The following MTA3 variants were observed in gnomAD, a reference collection of about 807,000 sequenced individuals.
MTA3 encodes metastasis associated 1 family member 3, also known as metastasis-associated protein MTA3.
In MTA3, 34 loss-of-function variants were observed where a neutral mutation model predicts 83.5. The observed-to-expected ratio is 0.41, with a 90% CI of 0.31 to 0.54. The LOEUF (loss-of-function observed/expected upper bound fraction) is 0.54. MTA3 is among the 20% of genes least tolerant of loss of function. The pLI is 0.33. For missense variants in MTA3, 761 were observed against 726.4 expected (o/e 1.05, Z -0.55); for synonymous variants, 303 against 252.7 (o/e 1.20, Z -1.89).
At chr2:42,617,469 C>T (rs1246343528) in intron 4 of MTA3, among the ~76,000 whole-genome samples, 1 of 151,974 alleles carries the variant, frequency 6.6e-6, no homozygotes, top group Non-Finnish European at 1.5e-5. Context: ...TATAGTTTTC[C>T]TGAAATGAGT....
In MTA3 at chr2:42,578,768, G is replaced by GT. The variant is rs1224732680; in HGVS notation, c.97-331dup. On this transcript the variant is annotated intron_variant, in intron 2 of 16. Transcript: ENST00000405094. The stretch of plus-strand genomic sequence containing the variant: ...GGTGGGATTAGTTTCTTTCTCTTTT[G>GT]TTTTTTTTAAGGCTAGTTAATTGAA... Among the ~76,000 whole-genome samples, 16 of 151,936 alleles carry GT rather than the reference G, an allele frequency of 1.1e-4. No individual in the cohort carries two copies. In the East Asian group the frequency reaches 2.1e-3, roughly 20 times the overall value.
At chr2:42,530,436 G>A (rs375685217) in intron 2 of MTA3, among the ~76,000 whole-genome samples, 1 of 151,438 alleles carries the variant, frequency 6.6e-6, no homozygotes. Context: ...GCAGTGAGCC[G>A]AGATGGCGCC....
intron 2 of MTA3, among the ~76,000 whole-genome samples, chr2:42,515,365 A>G (rs1675097721): frequency 6.6e-6 from 1 of 151,536 alleles, no homozygotes; most frequent in African/African-American, 2.4e-5. Flanking sequence ...AGCCTATTTT[A>G]TTTTTTGAGA....
At chr2:42,629,538 A>G (rs1188543766) in intron 4 of MTA3, among the ~76,000 whole-genome samples, 1 of 152,186 alleles carries the variant, frequency 6.6e-6, no homozygotes, top group Non-Finnish European at 1.5e-5. Context: ...GCAGCAAAGA[A>G]GGAGGTTTAA....
chr2:42,542,933 A>C (rs1676587873), intron 2 of MTA3, among the ~76,000 whole-genome samples: 1 of 152,050 alleles, frequency 6.6e-6, no homozygotes, highest in Non-Finnish European at 1.5e-5. Flanking sequence ...TACAACCAGA[A>C]ACACATCAAT....
chr2:42,747,566 T>C (rs1301214331), intron 16 of MTA3, among the ~76,000 whole-genome samples: 1 of 151,472 alleles, frequency 6.6e-6, no homozygotes, highest in Non-Finnish European at 1.5e-5. Context: ...TCTTGAAGCT[T>C]TAAGGTGCCC....
intron 2 of MTA3, among the ~76,000 whole-genome samples, chr2:42,536,188 G>A (rs1676224782): frequency 6.6e-6 from 1 of 151,182 alleles, no homozygotes; most frequent in African/African-American, 2.4e-5. Flanking sequence ...AAATCGAGGG[G>A]TTAGGCTGGG....
chr2:42,647,169 A>AAAAAAAAAAAAACG (rs1688288622), intron 6 of MTA3, among the ~76,000 whole-genome samples: 2 of 148,482 alleles, frequency 1.3e-5, no homozygotes, highest in Admixed American at 6.7e-5. Context: ...AAAAAAAAAC[A>AAAAAAAAAAAAACG]AAAAAGAAAG....
rs1023209829 is a variant in MTA3, at chr2:42,623,686, T to C, written c.317+14102T>C. ...TACCATGCCCCTTGAGTTTTCATCT[T>C]GGTAGTTCAGATTTTTTTTTTTTTT... On this transcript the variant is annotated intron_variant, in intron 4 of 16. Transcript: ENST00000405094. Among the ~76,000 whole-genome samples, 9 of 150,594 alleles carry C rather than the reference T, an allele frequency of 6.0e-5. 1 individual carries two copies. The Admixed American group carries it at 6.0e-4, about 10-fold the overall frequency.
At chr2:42,725,473 A>G (rs994288545) in intron 16 of MTA3, among the ~76,000 whole-genome samples, 7 of 152,244 alleles carry the variant, frequency 4.6e-5, no homozygotes, top group African/African-American at 1.7e-4. Flanking sequence ...CTAATTTCAT[A>G]AAAGAAATCA....
chr2:42,697,752 T>C (rs1693515430), intron 10 of MTA3, 24 bp from the exon 11 acceptor site: 1 of 1,494,986 alleles, frequency 6.7e-7, no homozygotes, highest in South Asian at 1.3e-5. Flanking sequence ...GCATGTAAAA[T>C]GTTTTATTCA....
chr2:42,547,517 G>T (rs1191632503), intron 2 of MTA3, among the ~76,000 whole-genome samples: 2 of 152,202 alleles, frequency 1.3e-5, no homozygotes, highest in South Asian at 2.1e-4. Flanking sequence ...TTTTAGTAGA[G>T]TCAGGGTTTC....
chr2:42,643,420 T>C (rs1056324559), intron 5 of MTA3, among the ~76,000 whole-genome samples: 1 of 152,192 alleles, frequency 6.6e-6, no homozygotes, highest in East Asian at 1.9e-4. Flanking sequence ...CAGGTCATTT[T>C]GTCCATTAGG....
intron 8 of MTA3, among the ~76,000 whole-genome samples, chr2:42,666,771 A>G (rs1277607552): frequency 1.3e-5 from 2 of 152,094 alleles, no homozygotes; most frequent in Non-Finnish European, 2.9e-5. Flanking sequence ...CTCACCATTG[A>G]ATTCCCAGCA....
rs199653344 is a variant in MTA3 at position 42,639,875 on chromosome 2, C to CT, written c.318-289dup. On this transcript the variant is annotated intron_variant, in intron 4 of 16. Transcript: ENST00000405094. Reference sequence around the variant, plus strand: ...CTTAGTCTGAAGTTCTCATTGTACTCTTTTTTTTTCTTGAATAAGTAGAAA... The same window carrying CT: ...CTTAGTCTGAAGTTCTCATTGTACTCTTTTTTTTTTCTTGAATAAGTAGAAA... Among the ~76,000 whole-genome samples, 271 of 151,260 alleles carry CT rather than the reference C, an allele frequency of 1.8e-3. 2 individuals carry two copies. Among genetic ancestry groups the CT allele is most frequent in the African/African-American group, 6.0e-3 (246 of 41,302 alleles).
chr2:42,684,024 A>G lies in MTA3; in HGVS notation c.891+1435A>G, dbSNP rs577889778. ...ATATGATGATTTGATATACATATAC[A>G]TTGTGAAATGATTACCACAATTAAC... On this transcript the variant is annotated intron_variant, in intron 9 of 16. Transcript: ENST00000405094. 9.8e-5 allele frequency among the ~76,000 whole-genome samples: 15 copies of G among 152,346 alleles called. No individual in the cohort carries two copies. The South Asian group carries it at 2.5e-3, about 25-fold the overall frequency.
chr2:42,726,507 C>G (rs1249355903), intron 16 of MTA3, among the ~76,000 whole-genome samples: 1 of 152,046 alleles, frequency 6.6e-6, no homozygotes, highest in African/African-American at 2.4e-5. Flanking sequence ...CCTCCCCACT[C>G]CCCCCAACCC....
At chr2:42,496,863 C>A (rs1674160674) in intron 2 of MTA3, among the ~76,000 whole-genome samples, 1 of 152,202 alleles carries the variant, frequency 6.6e-6, no homozygotes, top group African/African-American at 2.4e-5. Context: ...AAGGCCACCA[C>A]AGAGCTCTTC....
At chr2:42,636,630 T>C (rs374621029) in intron 4 of MTA3, among the ~76,000 whole-genome samples, 122 of 148,780 alleles carry the variant, frequency 8.2e-4, no homozygotes, top group African/African-American at 1.7e-3. Flanking sequence ...TTCTTTCTTT[T>C]TTTTTTTTTT....
Sources: allele counts gnomAD v4.1 joint callset (sites outside exome capture counted in the v4.1 genomes callset), GRCh38; gene constraint gnomAD v4.1.1; transcripts MANE v1.5; gene names NCBI Gene and HGNC (gene_info 2026-07-23, HGNC 2026-07-21).